RPAIN: variants seen among roughly 807,000 people sequenced by gnomAD.
RPAIN encodes RPA-interacting protein.
A neutral mutation model predicts 30.5 loss-of-function variants in RPAIN; 29 were observed. The observed-to-expected ratio is 0.95, with a 90% CI of 0.71 to 1.30. The LOEUF is 1.30. RPAIN is among the 50% of genes most tolerant of loss of function. The pLI is 0.00. For missense variants in RPAIN, 247 were observed against 264.7 expected, an observed-to-expected ratio of 0.93 and a Z score of 0.46; for synonymous variants, 101 against 93.5, an observed-to-expected ratio of 1.08 and a Z score of -0.46.
At chr17:5,420,904 T>A (rs1914722481) in intron 1 of RPAIN, among the ~76,000 whole-genome samples, 2 of 152,184 alleles carry the variant, frequency 1.3e-5, no homozygotes, top group African/African-American at 4.8e-5. Context: ...CTCCAAGCAT[T>A]GCCAAATGTT....
In RPAIN at chr17:5,426,312, C is replaced by A; in HGVS notation, c.489+13C>A. ...CATCCCATCTCATGTGAGTGTTCCA[C>A]ACACAGATTTCATGATACTTCTTCC... is the stretch of plus-strand genomic sequence containing the variant. On this transcript the variant is annotated intron_variant, in intron 5 of 6. Coordinates refer to ENST00000381209, the MANE Select transcript of RPAIN (RefSeq NM_001033002.4). The A allele has an allele frequency of 1.9e-6, 3 of 1,608,476 alleles. No homozygotes were observed. Among genetic ancestry groups the A allele is most frequent in the Non-Finnish European group, 2.6e-6 (3 of 1,174,824 alleles).
rs1915608381 is a variant in RPAIN, at chr17:5,428,398, GAAGAGGCAGCATGGGATCACGGC to G, written c.630+194_630+216del. The G allele has an allele frequency of 2.7e-6, 4 of 1,481,282 alleles. No homozygotes were observed. In the South Asian group the frequency reaches 5.5e-5, roughly 20 times the overall value. 91.8% of individuals were successfully genotyped at this position (1,481,282 alleles called of 1,614,324 possible). A position where few individuals can be genotyped will look rare whatever the true frequency, so the allele number is the denominator to read the frequency against. ...ACTCAAAGGCCAGTCAGAAAGAAGG[GAAGAGGCAGCATGGGATCACGGC>G]AAGAGGATTGGTCTGGGAGTTAGGA... is the stretch of plus-strand genomic sequence containing the variant. On this transcript the variant is annotated intron_variant, in intron 6 of 6. Transcript: ENST00000381209.
chr17:5,432,830 T>C lies in RPAIN; in HGVS notation c.*259T>C, dbSNP rs978643404. The C allele has an allele frequency of 2.3e-5, 21 of 905,612 alleles. No individual in the cohort carries two copies. In the African/African-American group the frequency reaches 2.5e-4, roughly 11 times the overall value. 56.1% of individuals were successfully genotyped at this position (905,612 alleles called of 1,614,324 possible). On this transcript the variant is annotated 3_prime_UTR_variant, in exon 7 of 7. Transcript: ENST00000381209. ...ATCATGTTATACAAAAATCTAGAAA[T>C]AATAGATTTGTACAGAAAAAAATGA...
chr17:5,431,137 G>T, intron 6 of RPAIN: 1 of 314,588 alleles, frequency 3.2e-6, no homozygotes, highest in African/African-American at 2.2e-5. Flanking sequence ...GCCGGCTCTG[G>T]GGTGGGCAGG....
At position 5,426,264 on chromosome 17, in the gene RPAIN, G is replaced by A; in HGVS notation, c.454G>A (p.Val152Met). 1 of 1,614,162 alleles carries A rather than the reference G, an allele frequency of 6.2e-7. No homozygotes were observed. Among genetic ancestry groups the A allele is most frequent in the South Asian group, 1.1e-5 (1 of 91,084 alleles). ...CAACCTGAGAATCACAAGCGGTGTG[G>A]TGGTGTGTCAGTGTGGCCTGTCCAT... Reference protein sequence around the residue: ...KYNLRITSGVVVCQCGLSIPS... With the variant: ...KYNLRITSGVMVCQCGLSIPS... The change falls in exon 5 of 7, where the codon GTG (valine) becomes ATG (methionine). Residue 152 changes from valine (V) to methionine (M), a missense_variant. Transcript: ENST00000381209.
At chr17:5,420,834 G>A (rs1365889603) in intron 1 of RPAIN, among the ~76,000 whole-genome samples, 1 of 152,146 alleles carries the variant, frequency 6.6e-6, no homozygotes, top group Admixed American at 6.5e-5. Flanking sequence ...GCCACGTCTC[G>A]GGCCTCCACC....
intron 2 of RPAIN, chr17:5,422,062 C>T (rs1243703984): frequency 6.6e-6 from 1 of 152,206 alleles, no homozygotes; most frequent in Non-Finnish European, 1.5e-5. Flanking sequence ...CTAAAAAGGT[C>T]TCCAGAAACT....
intron 1 of RPAIN, 28 bp downstream of exon 1, chr17:5,420,319 A>C (rs1271319385): frequency 6.3e-7 from 1 of 1,591,390 alleles, no homozygotes; most frequent in East Asian, 2.2e-5. Flanking sequence ...GCAGTGGTCT[A>C]CCCTAGATCG....
intron 6 of RPAIN, chr17:5,429,611 G>C (rs1915718281): frequency 1.0e-6 from 1 of 985,468 alleles, no homozygotes; most frequent in Non-Finnish European, 1.2e-6. Flanking sequence ...TGTATGGAAA[G>C]AGACATAGCA....
In RPAIN at chr17:5,421,809, T is replaced by TC. The variant is rs555863590; in HGVS notation, c.252+344dup. On this transcript the variant is annotated intron_variant, in intron 2 of 6. Coordinates refer to ENST00000381209, the MANE Select transcript of RPAIN (RefSeq NM_001033002.4). Reference sequence around the variant, plus strand: ...CCCTCTCTCTCGCTCTTTTTTTTTTTCTGTCTTGCTCTGTCGCCCAGGCTG... The same window carrying TC: ...CCCTCTCTCTCGCTCTTTTTTTTTTTCCTGTCTTGCTCTGTCGCCCAGGCTG... 4.0e-3 allele frequency: 646 copies of TC among 159,626 alleles called. 3 individuals are homozygous for TC. Among genetic ancestry groups the TC allele is most frequent in the Non-Finnish European group, 7.0e-3 (510 of 73,098 alleles). 9.9% of individuals were successfully genotyped at this position (159,626 alleles called of 1,614,324 possible). A position where few individuals can be genotyped will look rare whatever the true frequency, so the allele number is the denominator to read the frequency against.
At chr17:5,432,135 C>T in intron 6 of RPAIN, 1 of 229,284 alleles carries the variant, frequency 4.4e-6, no homozygotes, top group East Asian at 1.1e-4. Context: ...GCATGGTTTG[C>T]ACCTCCCCTA....
At chr17:5,432,245 G>T in intron 6 of RPAIN, 1 of 364,938 alleles carries the variant, frequency 2.7e-6, no homozygotes, top group Non-Finnish European at 5.0e-6. Context: ...CAATCTTTCT[G>T]GTCAGTGGTT....
At chr17:5,431,729 A>G (rs1915974317) in intron 6 of RPAIN, 2 of 439,102 alleles carry the variant, frequency 4.6e-6, no homozygotes, top group South Asian at 1.6e-5. Context: ...ACTCTATCAC[A>G]AGACGAGGAA....
chr17:5,432,464 C>CATTG, intron 6 of RPAIN, 78 bp from the exon 7 acceptor site: 2 of 1,354,778 alleles, frequency 1.5e-6, no homozygotes, highest in Non-Finnish European at 2.1e-6. Flanking sequence ...GTAGAATTCT[C>CATTG]ATTGATTACA....
chr17:5,431,588 G>A (rs927999401), intron 6 of RPAIN: 2 of 455,884 alleles, frequency 4.4e-6, no homozygotes, highest in Non-Finnish European at 4.4e-6. Flanking sequence ...AGTTCCACTA[G>A]ACCTTTGGTT....
At chr17:5,425,399 A>T in intron 3 of RPAIN, 2 of 446,948 alleles carry the variant, frequency 4.5e-6, no homozygotes, top group Non-Finnish European at 8.9e-6. Flanking sequence ...GCAGTGGCGC[A>T]ATCTCGGATC....
chr17:5,432,272 G>A (rs1262592438), intron 6 of RPAIN: 5 of 405,552 alleles, frequency 1.2e-5, no homozygotes, highest in Non-Finnish European at 2.2e-5. Flanking sequence ...TGGTGAGGAT[G>A]TTTGATTAGT....
intron 5 of RPAIN, chr17:5,426,610 A>G (rs1915416955): frequency 3.8e-6 from 1 of 260,812 alleles, no homozygotes; most frequent in Non-Finnish European, 7.4e-6. Context: ...ATATGAAGAC[A>G]TACCTAATTC....
In RPAIN at chr17:5,426,001, G is replaced by A. The variant is rs758518698; in HGVS notation, c.344G>A (p.Ser115Asn). The A allele has an allele frequency of 1.9e-6, 3 of 1,613,800 alleles. No homozygotes were observed. Among genetic ancestry groups the A allele is most frequent in the Middle Eastern group, 1.6e-4 (1 of 6,082 alleles). ...EQSIISEYEK[S>N]LQFDEKCLSI... ...TCCATCATCAGCGAGTATGAGAAGA[G>A]CTTGCAGTTTGATGAAAAGTGTCTC... Residue 115 changes from serine (S) to asparagine (N), a missense_variant, in exon 4 of 7, where the codon AGC (serine) becomes AAC (asparagine). By Grantham distance (46) the Ser-to-Asn change is conservative. Transcript: ENST00000381209.
Sources: gnomAD v4.1 joint callset for allele counts (sites outside exome capture counted in the v4.1 genomes callset) on GRCh38, gnomAD v4.1.1 for gene constraint, MANE v1.5 for transcripts, NCBI Gene and HGNC (gene_info 2026-07-23, HGNC 2026-07-21) for gene names.